Variants in PDGFC observed in about 807,000 individuals in gnomAD.
PDGFC encodes the protein platelet-derived growth factor C.
In PDGFC, 12 loss-of-function variants were observed where a neutral mutation model predicts 35.5. The ratio of observed to expected loss-of-function variants is 0.34; its 90% confidence interval spans 0.22 to 0.55. PDGFC has a LOEUF of 0.55. PDGFC is among the 20% of genes least tolerant of loss of function. The probability of loss-of-function intolerance (pLI) is 0.91; values close to 1 mark genes in which losing one functional copy is unlikely to be tolerated. For missense variants in PDGFC, 322 were observed against 412.4 expected, an observed-to-expected ratio of 0.78 and a Z score of 1.90; for synonymous variants, 159 against 148.8, an observed-to-expected ratio of 1.07 and a Z score of -0.50.
chr4:156,929,643 G>A (rs1195828509), intron 1 of PDGFC, among the ~76,000 whole-genome samples: 1 of 152,106 alleles, frequency 6.6e-6, no homozygotes, highest in Non-Finnish European at 1.5e-5. Context: ...TCTTCCTTCA[G>A]TGAATGATTT....
intron 1 of PDGFC, among the ~76,000 whole-genome samples, chr4:156,912,814 G>T (rs1731069796): frequency 6.6e-6 from 1 of 151,226 alleles, no homozygotes; most frequent in African/African-American, 2.4e-5. Context: ...TTCACGGTGG[G>T]ATGCAACACA....
At chr4:156,955,969 A>G (rs1480967929) in intron 1 of PDGFC, among the ~76,000 whole-genome samples, 1 of 152,008 alleles carries the variant, frequency 6.6e-6, no homozygotes, top group Admixed American at 6.6e-5. Flanking sequence ...TGATAACCCC[A>G]TGAGAAGCCC....
At chr4:156,933,953 T>C (rs1451678262) in intron 1 of PDGFC, among the ~76,000 whole-genome samples, 4 of 152,200 alleles carry the variant, frequency 2.6e-5, no homozygotes, top group African/African-American at 9.7e-5. Flanking sequence ...CCCTCCTTTA[T>C]AAATTACCCA....
intron 2 of PDGFC, among the ~76,000 whole-genome samples, chr4:156,836,163 T>C (rs28588197): frequency 0.059 from 9,051 of 152,156 alleles, 893 homozygotes; most frequent in African/African-American, 0.21. Flanking sequence ...GAACCTCTGG[T>C]CTCCTCCTTC....
intron 1 of PDGFC, among the ~76,000 whole-genome samples, chr4:156,899,612 T>G (rs1020713490): frequency 1.3e-5 from 2 of 152,080 alleles, no homozygotes; most frequent in African/African-American, 4.8e-5. Flanking sequence ...GTCAGGAGTT[T>G]GAGACCAGCC....
intron 1 of PDGFC, among the ~76,000 whole-genome samples, chr4:156,919,337 T>G (rs553934247): frequency 1.6e-4 from 25 of 152,240 alleles, no homozygotes; most frequent in African/African-American, 6.0e-4. Context: ...ATAATCTTAA[T>G]CTGAGTAGAG....
chr4:156,888,002 TAAAA>T (rs35591023), intron 1 of PDGFC, among the ~76,000 whole-genome samples: 1 of 125,858 alleles, frequency 7.9e-6, no homozygotes, highest in African/African-American at 3.0e-5. Context: ...AACCCCGTCT[TAAAA>T]AAAAAAAAAA....
intron 1 of PDGFC, among the ~76,000 whole-genome samples, chr4:156,944,871 C>A (rs1352327983): frequency 1.3e-5 from 2 of 151,948 alleles, no homozygotes; most frequent in Non-Finnish European, 2.9e-5. Flanking sequence ...ATGACCCCCT[C>A]CAGAACACAA....
intron 1 of PDGFC, among the ~76,000 whole-genome samples, chr4:156,891,223 T>C (rs1730497046): frequency 7.4e-6 from 1 of 135,776 alleles, no homozygotes; most frequent in Admixed American, 8.6e-5. Flanking sequence ...GAGCTTGCAG[T>C]GAGCCGAGAT....
chr4:156,796,549 T>C (rs939246506), intron 3 of PDGFC, among the ~76,000 whole-genome samples: 10 of 137,880 alleles, frequency 7.3e-5, no homozygotes, highest in African/African-American at 2.7e-4. Flanking sequence ...TATCTCAAAA[T>C]AAAACTTAAG....
At position 156,865,186 on chromosome 4, in the gene PDGFC, G is replaced by GCACACACACACACA. The variant is rs34323245; in HGVS notation, c.119-14784_119-14771dup. Among the ~76,000 whole-genome samples, 69 of 146,760 alleles carry GCACACACACACACA rather than the reference G, an allele frequency of 4.7e-4. 1 individual carries two copies. The highest frequency in any genetic ancestry group is 1.3e-3 in the African/African-American group (51 of 40,246). On this transcript the variant is annotated intron_variant, in intron 1 of 5. Transcript: ENST00000502773. ...CACTTTAGGATTAGAAGATACATGT[G>GCACACACACACACA]CACACACACACACACACACACACAC...
chr4:156,968,781 C>T (rs1732523313), intron 1 of PDGFC, among the ~76,000 whole-genome samples: 1 of 152,136 alleles, frequency 6.6e-6, no homozygotes, highest in African/African-American at 2.4e-5. Flanking sequence ...GACCAACCCC[C>T]AAACATAGCC....
Position 156,971,063 on chromosome 4 carries a change from CA to C in PDGFC, c.-161del. Reference sequence around the variant, plus strand: ...AGGGTAGTTTCCACATAATCCCATCCAAAACTTTTTCCTAGAGCCCTCTTCT... The same window carrying C: ...AGGGTAGTTTCCACATAATCCCATCCAAACTTTTTCCTAGAGCCCTCTTCT... On this transcript the variant is annotated 5_prime_UTR_variant, in exon 1 of 6. Transcript: ENST00000502773. 3.4e-6 allele frequency: 2 copies of C among 588,690 alleles called. No homozygotes were observed. The highest frequency in any genetic ancestry group is 4.2e-5 in the South Asian group (2 of 47,360). The allele number at this position is 588,690 out of a possible 1,614,324, so 36.5% of individuals were successfully genotyped here.
chr4:156,935,617 G>A (rs930094985), intron 1 of PDGFC, among the ~76,000 whole-genome samples: 14 of 152,100 alleles, frequency 9.2e-5, no homozygotes, highest in Non-Finnish European at 1.6e-4. Context: ...CCAAAACATG[G>A]TTATGCAGCA....
intron 1 of PDGFC, among the ~76,000 whole-genome samples, chr4:156,967,096 C>A (rs918915366): frequency 2.1e-5 from 3 of 146,248 alleles, no homozygotes; most frequent in African/African-American, 7.6e-5. Flanking sequence ...CGCAATAAAA[C>A]TTACAGGGAA....
chr4:156,794,584 G>A (rs1268060084), intron 3 of PDGFC, among the ~76,000 whole-genome samples: 1 of 151,740 alleles, frequency 6.6e-6, no homozygotes, highest in East Asian at 1.9e-4. Context: ...ACTTTGGTGA[G>A]TAATATTTTT....
intron 1 of PDGFC, among the ~76,000 whole-genome samples, chr4:156,947,793 A>G (rs1731981996): frequency 6.6e-6 from 1 of 152,020 alleles, no homozygotes; most frequent in Non-Finnish European, 1.5e-5. Context: ...AATATTCTAC[A>G]TTGACTATGA....
At chr4:156,815,581 GAA>G (rs1158534388) in intron 2 of PDGFC, among the ~76,000 whole-genome samples, 1 of 152,136 alleles carries the variant, frequency 6.6e-6, no homozygotes, top group East Asian at 1.9e-4. Context: ...AGAAGAGAAT[GAA>G]GAGAGAAAAC....
chr4:156,833,290 C>G (rs1242323916), intron 2 of PDGFC, among the ~76,000 whole-genome samples: 1 of 152,228 alleles, frequency 6.6e-6, no homozygotes, highest in Non-Finnish European at 1.5e-5. Flanking sequence ...GTTAATGCTT[C>G]TACTGTGTAA....
Sources: allele counts gnomAD v4.1 joint callset (sites outside exome capture counted in the v4.1 genomes callset), GRCh38; gene constraint gnomAD v4.1.1; transcripts MANE v1.5; gene names NCBI Gene and HGNC (gene_info 2026-07-23, HGNC 2026-07-21).